EYS: variants seen among roughly 807,000 people sequenced by gnomAD.
EYS encodes EGF-like photoreceptor maintenance factor.
EYS carries 250 observed loss-of-function variants against 282.1 expected under a neutral mutation model. The ratio of observed to expected loss-of-function variants is 0.89; its 90% CI spans 0.80 to 0.98. EYS has a LOEUF of 0.98. EYS is among the 50% of genes least tolerant of loss of function. The pLI is 0.00. For missense variants in EYS, 4,016 were observed against 3,709.0 expected, an observed-to-expected ratio of 1.08 and a Z score of -2.15; for synonymous variants, 1,355 against 1,282.9, an observed-to-expected ratio of 1.06 and a Z score of -1.20.
chr6:65,402,169 C>T (rs1282178634), intron 7 of EYS, among the ~76,000 whole-genome samples: 1 of 151,536 alleles, frequency 6.6e-6, no homozygotes, highest in Admixed American at 6.6e-5. Context: ...ATATCTCTCT[C>T]TTTTCTTTCT....
chr6:63,894,809 G>A (rs528190980), intron 35 of EYS, among the ~76,000 whole-genome samples: 96 of 151,936 alleles, frequency 6.3e-4, no homozygotes, highest in African/African-American at 2.2e-3. Context: ...GGATGGTCTC[G>A]ATCTCCTGAC....
intron 33 of EYS, among the ~76,000 whole-genome samples, chr6:64,008,542 G>A (rs562623933): frequency 1.3e-5 from 2 of 152,164 alleles, no homozygotes; most frequent in South Asian, 4.2e-4. Flanking sequence ...ACTTGATTGT[G>A]TGGTTGCTTT....
chr6:65,696,257 T>G (rs1336092595), intron 1 of EYS, among the ~76,000 whole-genome samples: 1 of 151,990 alleles, frequency 6.6e-6, no homozygotes, highest in Admixed American at 6.6e-5. Context: ...GTCATACTCC[T>G]GGTTAAAAAA....
At chr6:64,719,394 C>A (rs1771499619) in intron 22 of EYS, among the ~76,000 whole-genome samples, 1 of 152,046 alleles carries the variant, frequency 6.6e-6, no homozygotes, top group African/African-American at 2.4e-5. Flanking sequence ...TTAAATATTT[C>A]TATTTTTATT....
At chr6:64,389,046 C>A (rs1773010554) in intron 28 of EYS, among the ~76,000 whole-genome samples, 1 of 152,046 alleles carries the variant, frequency 6.6e-6, no homozygotes, top group African/African-American at 2.4e-5. Flanking sequence ...GACAAAACAA[C>A]AAATTATAGC....
At chr6:65,377,536 G>A (rs773295147) in intron 8 of EYS, among the ~76,000 whole-genome samples, 2 of 152,036 alleles carry the variant, frequency 1.3e-5, no homozygotes, top group South Asian at 2.1e-4. Context: ...GAGCAGAACC[G>A]AAGGAGATAA....
intron 40 of EYS, among the ~76,000 whole-genome samples, chr6:63,763,651 T>C (rs1465394165): frequency 6.6e-6 from 1 of 151,644 alleles, no homozygotes; most frequent in South Asian, 2.1e-4. Flanking sequence ...CCTGCCACCA[T>C]GTTAGGAAGG....
At chr6:65,086,484 A>G (rs1267616147) in intron 12 of EYS, among the ~76,000 whole-genome samples, 1 of 152,158 alleles carries the variant, frequency 6.6e-6, no homozygotes, top group Non-Finnish European at 1.5e-5. Context: ...TAGATCACAT[A>G]TGGAAACAAA....
intron 12 of EYS, among the ~76,000 whole-genome samples, chr6:65,073,551 G>C (rs1156404246): frequency 1.3e-5 from 2 of 151,484 alleles, no homozygotes; most frequent in Non-Finnish European, 2.9e-5. Context: ...ATGCCTACAG[G>C]CTCAGAATAT....
intron 26 of EYS, among the ~76,000 whole-genome samples, chr6:64,554,371 C>T (rs2149807725): frequency 6.6e-6 from 1 of 151,964 alleles, no homozygotes; most frequent in East Asian, 1.9e-4. Flanking sequence ...ATATGTGTCT[C>T]CTGGGGTGAA....
intron 35 of EYS, among the ~76,000 whole-genome samples, chr6:63,921,577 G>A (rs1764575003): frequency 6.6e-6 from 1 of 152,212 alleles, no homozygotes; most frequent in African/African-American, 2.4e-5. Flanking sequence ...CGATCTTTGG[G>A]ACTTTGGGCC....
chr6:64,020,956 A>G (rs1241250872), intron 33 of EYS, among the ~76,000 whole-genome samples: 2 of 152,190 alleles, frequency 1.3e-5, no homozygotes, highest in South Asian at 4.1e-4. Context: ...TGATGACTAC[A>G]GAAGATCCTC....
chr6:63,733,737 C>T (rs988678762), intron 41 of EYS, among the ~76,000 whole-genome samples: 3 of 152,074 alleles, frequency 2.0e-5, no homozygotes, highest in African/African-American at 7.2e-5. Context: ...TCACGGACCA[C>T]GTTATAAACA....
At chr6:64,246,363 T>G (rs1767024165) in intron 30 of EYS, among the ~76,000 whole-genome samples, 1 of 152,184 alleles carries the variant, frequency 6.6e-6, no homozygotes, top group African/African-American at 2.4e-5. Context: ...GAAGTCACAG[T>G]TATTTTTAAA....
rs181017540 is a variant in EYS, at chr6:64,864,799, G to T, written c.2992+21898C>A. Among the ~76,000 whole-genome samples, 375 of 151,920 alleles carry T rather than the reference G, an allele frequency of 2.5e-3. 3 individuals carry two copies. In the Middle Eastern group the frequency reaches 0.034, roughly 14 times the overall value. ...GTCTGTAATCCCAGCACTTTGGGAG[G>T]CTGAGGCAGTTGGATCACCTGAGGT... is the stretch of plus-strand genomic sequence containing the variant. On this transcript the variant is annotated intron_variant, in intron 19 of 42. Coordinates refer to ENST00000503581, the MANE Select transcript of EYS (RefSeq NM_001142800.2).
At chr6:65,437,613 T>C (rs985427240) in intron 5 of EYS, among the ~76,000 whole-genome samples, 4 of 152,164 alleles carry the variant, frequency 2.6e-5, no homozygotes, top group Non-Finnish European at 5.9e-5. Context: ...TTTTAAAGAG[T>C]ACTTCATGTA....
chr6:65,664,814 A>C (rs2149828324), intron 1 of EYS, among the ~76,000 whole-genome samples: 1 of 152,280 alleles, frequency 6.6e-6, no homozygotes, highest in Admixed American at 6.5e-5. Context: ...AACTTAGACA[A>C]ACTAAGGTAT....
intron 29 of EYS, among the ~76,000 whole-genome samples, chr6:64,327,282 AC>A (rs1285697379): frequency 2.6e-5 from 4 of 152,078 alleles, no homozygotes; most frequent in Admixed American, 6.6e-5. Flanking sequence ...CCATAATAGG[AC>A]CCAGTCTGGT....
At chr6:64,923,538 C>G (rs1476654023) in intron 15 of EYS, among the ~76,000 whole-genome samples, 1 of 152,182 alleles carries the variant, frequency 6.6e-6, no homozygotes, top group African/African-American at 2.4e-5. Context: ...AAAGTCTTAA[C>G]TCATTTCAGC....
Sources: allele counts gnomAD v4.1 joint callset (sites outside exome capture counted in the v4.1 genomes callset), GRCh38; gene constraint gnomAD v4.1.1; transcripts MANE v1.5; gene names NCBI Gene and HGNC (gene_info 2026-07-23, HGNC 2026-07-21).